The following EXT2 variants were observed in gnomAD, a reference collection of about 807,000 sequenced individuals.
The protein encoded by EXT2 is exostosin-2.
Under a neutral mutation model 81.6 loss-of-function variants are expected in EXT2, and 53 were observed. That is an observed-to-expected ratio of 0.65 (90% CI 0.52 to 0.82). The LOEUF (loss-of-function observed/expected upper bound fraction) is 0.82, where lower values mean the gene tolerates loss of function less well. Among genes scored for constraint, EXT2 ranks in the 40% least tolerant of loss-of-function variants. The pLI is 0.00. For missense variants in EXT2, 774 were observed against 910.2 expected (o/e 0.85, Z 1.93); for synonymous variants, 320 against 340.0 (o/e 0.94, Z 0.65).
intron 10 of EXT2, among the ~76,000 whole-genome samples, chr11:44,222,216 C>G (rs543087093): frequency 2.3e-4 from 35 of 152,212 alleles, no homozygotes; most frequent in Non-Finnish European, 4.3e-4. Context: ...AGGTCATGAC[C>G]ACATGTTGAC....
chr11:44,241,673 A>G (rs1228217237), intron 13 of EXT2, among the ~76,000 whole-genome samples: 11 of 152,170 alleles, frequency 7.2e-5, no homozygotes, highest in Non-Finnish European at 8.8e-5. Context: ...AGACACCTTC[A>G]TCACTTCAGA....
At chr11:44,152,190 T>C (rs1394246197) in intron 7 of EXT2, among the ~76,000 whole-genome samples, 1 of 152,234 alleles carries the variant, frequency 6.6e-6, no homozygotes, top group Non-Finnish European at 1.5e-5. Flanking sequence ...CTTGACATTA[T>C]TTGTTGCACA....
intron 13 of EXT2, among the ~76,000 whole-genome samples, chr11:44,243,938 A>AC (rs1956067637): frequency 6.6e-6 from 1 of 152,062 alleles, no homozygotes; most frequent in East Asian, 1.9e-4. Flanking sequence ...TAGTCCAAGT[A>AC]CCCCCAGTTC....
intron 10 of EXT2, among the ~76,000 whole-genome samples, chr11:44,216,505 T>A (rs1443837695): frequency 6.6e-6 from 1 of 152,142 alleles, no homozygotes; most frequent in African/African-American, 2.4e-5. Context: ...GTTATTTTAA[T>A]GGAGGAGAGA....
intron 10 of EXT2, among the ~76,000 whole-genome samples, chr11:44,223,640 C>T (rs946895811): frequency 6.6e-6 from 1 of 150,994 alleles, no homozygotes; most frequent in Admixed American, 6.6e-5. Context: ...GGGAGGGAGA[C>T]AGTTGTGTGT....
At chr11:44,226,116 C>A (rs1955835864) in intron 10 of EXT2, among the ~76,000 whole-genome samples, 5 of 152,168 alleles carry the variant, frequency 3.3e-5, no homozygotes. Context: ...ATCTTCATGG[C>A]ACCTGGCCTT....
intron 8 of EXT2, among the ~76,000 whole-genome samples, chr11:44,173,195 C>T (rs979307397): frequency 4.4e-4 from 67 of 152,248 alleles, no homozygotes; most frequent in African/African-American, 1.6e-3. Context: ...ACTGGGACAC[C>T]TCCTGAAGAG....
At chr11:44,236,266 A>G (rs1590669667) in intron 12 of EXT2, 27 bp from the exon 13 acceptor site, 2 of 1,604,744 alleles carry the variant, frequency 1.2e-6, no homozygotes, top group Admixed American at 1.7e-5. Context: ...ACTGACAGCC[A>G]GGTATGTTTT....
chr11:44,143,009 T>TG (rs1954666235), intron 7 of EXT2, among the ~76,000 whole-genome samples: 1 of 152,264 alleles, frequency 6.6e-6, no homozygotes, highest in East Asian at 1.9e-4. Context: ...TGGAGTGCAG[T>TG]GGCGCAATCT....
chr11:44,172,876 G>A (rs920115399), intron 8 of EXT2, among the ~76,000 whole-genome samples: 2 of 152,062 alleles, frequency 1.3e-5, no homozygotes, highest in African/African-American at 2.4e-5. Context: ...GCCAGGCCCC[G>A]ATTCTACCTT....
chr11:44,210,237 A>G (rs1955631464), intron 10 of EXT2, among the ~76,000 whole-genome samples: 1 of 152,228 alleles, frequency 6.6e-6, no homozygotes, highest in Non-Finnish European at 1.5e-5. Context: ...AAAATTGGAG[A>G]AAATAAAACA....
intron 1 of EXT2, among the ~76,000 whole-genome samples, chr11:44,101,696 C>T (rs1953984713): frequency 6.6e-6 from 1 of 152,120 alleles, no homozygotes; most frequent in Admixed American, 6.5e-5. Context: ...TTCTGTAGGA[C>T]AAGATTGACC....
At chr11:44,133,026 C>T (rs746132214) in intron 7 of EXT2, among the ~76,000 whole-genome samples, 10 of 152,172 alleles carry the variant, frequency 6.6e-5, no homozygotes, top group Non-Finnish European at 1.5e-4. Context: ...TCCAATAGCA[C>T]CCCTCCCCTC....
At chr11:44,234,284 A>C in intron 12 of EXT2, 41 bp downstream of exon 12, 1 of 1,587,798 alleles carries the variant, frequency 6.3e-7, no homozygotes, top group Non-Finnish European at 8.6e-7. Flanking sequence ...GATCTTGGGC[A>C]AATATCTATT....
intron 9 of EXT2, among the ~76,000 whole-genome samples, chr11:44,204,984 T>C (rs1042841720): frequency 6.6e-6 from 1 of 152,162 alleles, no homozygotes; most frequent in African/African-American, 2.4e-5. Flanking sequence ...CTGGAGAAAG[T>C]GATTGAACCT....
rs1387260742 is a variant in EXT2, at chr11:44,250,059, G to A, written c.*5772G>A. ...CACTCCAGCCTGGGCGACAGAGCAA[G>A]ACTCCGTCTCAAAAGAGAAAATGTT... On this transcript the variant is annotated 3_prime_UTR_variant, in exon 14 of 14. Coordinates refer to ENST00000533608, the MANE Select transcript of EXT2 (RefSeq NM_207122.2). Among the ~76,000 whole-genome samples the A allele has an allele frequency of 2.0e-5, 3 of 152,356 alleles. No individual in the cohort carries two copies. In the East Asian group the frequency reaches 5.8e-4, roughly 29 times the overall value.
Position 44,220,623 on chromosome 11 carries a change from G to T in EXT2, c.1663-11730G>T, listed in dbSNP as rs1477199226. Among the ~76,000 whole-genome samples, 1 of 152,176 alleles carries T rather than the reference G, an allele frequency of 6.6e-6. No homozygotes were observed. The highest frequency in any genetic ancestry group is 1.5e-5 in the Non-Finnish European group (1 of 68,034). Reference sequence around the variant, plus strand: ...TCTTTCTTAGAGGATCATCTCCCTGGAGTATTTTTCACATTGCTTCAGGCT... The same window carrying T: ...TCTTTCTTAGAGGATCATCTCCCTGTAGTATTTTTCACATTGCTTCAGGCT... On this transcript the variant is annotated intron_variant, in intron 10 of 13. Coordinates refer to ENST00000533608, the MANE Select transcript of EXT2 (RefSeq NM_207122.2). The surrounding 1 kb of genome is among the most constrained non-coding windows in gnomAD (Gnocchi z 4.4).
chr11:44,114,902 G>C (rs1954199751), intron 4 of EXT2, among the ~76,000 whole-genome samples: 1 of 152,134 alleles, frequency 6.6e-6, no homozygotes, highest in Admixed American at 6.5e-5. Context: ...AACAAGCTGT[G>C]CTCTCTCAGT....
intron 7 of EXT2, among the ~76,000 whole-genome samples, chr11:44,141,069 G>T (rs1954639032): frequency 6.6e-6 from 1 of 152,126 alleles, no homozygotes; most frequent in African/African-American, 2.4e-5. Context: ...CAGTATCTGT[G>T]GGGGATTGGT....
Sources: allele counts gnomAD v4.1 joint callset (sites outside exome capture counted in the v4.1 genomes callset), GRCh38; gene constraint gnomAD v4.1.1; non-coding constraint Gnocchi (gnomAD v3.1); transcripts MANE v1.5; gene names NCBI Gene and HGNC (gene_info 2026-07-23, HGNC 2026-07-21).